CREB5: variants seen among roughly 807,000 people sequenced by gnomAD.
CREB5 encodes the protein cyclic AMP-responsive element-binding protein 5.
Under a neutral mutation model 57.1 loss-of-function variants are expected in CREB5, and 19 were observed. The observed-to-expected ratio is 0.33, with a 90% confidence interval of 0.23 to 0.49. CREB5 has a LOEUF of 0.49. Ranked by LOEUF, CREB5 falls within the 20% of genes least tolerant of loss-of-function variation. The pLI, the probability that CREB5 is intolerant of heterozygous loss-of-function variation, is 0.99. For missense variants in CREB5, 579 were observed against 671.6 expected (o/e 0.86, Z 1.52); for synonymous variants, 238 against 238.3 (o/e 1.00, Z 0.01).
chr7:28,530,251 G>A (rs966942977), intron 4 of CREB5, among the ~76,000 whole-genome samples: 6 of 151,978 alleles, frequency 3.9e-5, no homozygotes, highest in Non-Finnish European at 5.9e-5. Context: ...GGTTTTCCTC[G>A]CCCGTCAGAT....
intron 4 of CREB5, among the ~76,000 whole-genome samples, chr7:28,548,166 TC>T (rs1794488205): frequency 6.6e-6 from 1 of 152,204 alleles, no homozygotes; most frequent in Non-Finnish European, 1.5e-5. Flanking sequence ...GATGCTGTTC[TC>T]TTGGTCTTTT....
intron 1 of CREB5, among the ~76,000 whole-genome samples, chr7:28,312,118 C>T (rs911963773): frequency 3.3e-5 from 5 of 151,546 alleles, no homozygotes; most frequent in Non-Finnish European, 7.4e-5. Context: ...CTGTTATCAA[C>T]TTGATGTGCT....
intron 7 of CREB5, among the ~76,000 whole-genome samples, chr7:28,790,462 T>TAG (rs1242699378): frequency 2.7e-4 from 9 of 33,878 alleles, no homozygotes; most frequent in Admixed American, 1.6e-3. Context: ...GAGAGAGAGA[T>TAG]AGAGAGAGAG....
At chr7:28,767,863 C>A (rs1408152013) in intron 7 of CREB5, among the ~76,000 whole-genome samples, 1 of 152,186 alleles carries the variant, frequency 6.6e-6, no homozygotes, top group Non-Finnish European at 1.5e-5. Flanking sequence ...CATGATCCAT[C>A]TAGAATTTAA....
chr7:28,669,001 C>T (rs1193353875), intron 5 of CREB5, among the ~76,000 whole-genome samples: 1 of 152,182 alleles, frequency 6.6e-6, no homozygotes, highest in Non-Finnish European at 1.5e-5. Context: ...ACGAGAAAGG[C>T]ACCAATACTG....
intron 8 of CREB5, among the ~76,000 whole-genome samples, chr7:28,805,018 A>G (rs1464320103): frequency 6.6e-6 from 1 of 152,210 alleles, no homozygotes; most frequent in South Asian, 2.1e-4. Context: ...TTAAAAATCT[A>G]AAGAGTAACA....
At chr7:28,577,520 T>C (rs1445999812) in intron 5 of CREB5, among the ~76,000 whole-genome samples, 1 of 152,230 alleles carries the variant, frequency 6.6e-6, no homozygotes, top group Non-Finnish European at 1.5e-5. Flanking sequence ...TAGTTTGGCA[T>C]GCATGATTCT....
intron 1 of CREB5, among the ~76,000 whole-genome samples, chr7:28,463,450 C>T (rs1282044830): frequency 2.0e-5 from 3 of 152,124 alleles, no homozygotes; most frequent in Non-Finnish European, 4.4e-5. Flanking sequence ...ATCAGTTTGC[C>T]AATTTCTGCA....
At chr7:28,799,578 T>A (rs1238135825) in intron 7 of CREB5, among the ~76,000 whole-genome samples, 1 of 152,244 alleles carries the variant, frequency 6.6e-6, no homozygotes, top group East Asian at 1.9e-4. Flanking sequence ...CGTATTTATT[T>A]GTCAGGTTCC....
intron 7 of CREB5, among the ~76,000 whole-genome samples, chr7:28,778,775 G>A (rs1806805692): frequency 1.3e-5 from 2 of 152,106 alleles, no homozygotes; most frequent in African/African-American, 2.4e-5. Context: ...TAAATACAAT[G>A]AAAAAGAAAG....
At chr7:28,659,710 T>C (rs994218760) in intron 5 of CREB5, among the ~76,000 whole-genome samples, 10 of 152,210 alleles carry the variant, frequency 6.6e-5, no homozygotes, top group African/African-American at 2.2e-4. Flanking sequence ...TTTTGATACT[T>C]CTAATGAATG....
At chr7:28,680,768 CA>C (rs539406574) in intron 5 of CREB5, among the ~76,000 whole-genome samples, 13,490 of 134,092 alleles carry the variant, frequency 0.1, 708 homozygotes, top group South Asian at 0.17. Flanking sequence ...CAACCTATCT[CA>C]AAAAAAAAAA....
chr7:28,514,960 A>C (rs569091182), intron 4 of CREB5, among the ~76,000 whole-genome samples: 1 of 48,536 alleles, frequency 2.1e-5, no homozygotes, highest in Admixed American at 2.3e-4. Context: ...CTGGACGTTA[A>C]TTTTGGGAAA....
At chr7:28,420,956 G>C (rs42728) in intron 1 of CREB5, among the ~76,000 whole-genome samples, 141,317 of 152,308 alleles carry the variant, frequency 0.93, 65,653 homozygotes, top group East Asian at 0.99. Flanking sequence ...TTTCAAGTTA[G>C]ATGCATCCAC....
At chr7:28,674,330 G>A (rs1318901726) in intron 5 of CREB5, among the ~76,000 whole-genome samples, 1 of 152,172 alleles carries the variant, frequency 6.6e-6, no homozygotes, top group Admixed American at 6.5e-5. Flanking sequence ...AGGAGCTACT[G>A]AATAGTTGAT....
intron 5 of CREB5, among the ~76,000 whole-genome samples, chr7:28,711,107 G>T (rs550775135): frequency 2.6e-5 from 4 of 152,306 alleles, no homozygotes; most frequent in African/African-American, 9.6e-5. Flanking sequence ...TTGGAGCTTT[G>T]TCATGTTGTG....
intron 1 of CREB5, among the ~76,000 whole-genome samples, chr7:28,439,771 T>C (rs891217129): frequency 6.6e-6 from 1 of 152,220 alleles, no homozygotes; most frequent in Non-Finnish European, 1.5e-5. Flanking sequence ...CTTCAGTTCT[T>C]AGGATTCTCA....
intron 1 of CREB5, among the ~76,000 whole-genome samples, chr7:28,446,718 G>A (rs372142562): frequency 6.6e-6 from 1 of 152,182 alleles, no homozygotes; most frequent in Non-Finnish European, 1.5e-5. Context: ...CGTGAACCCG[G>A]GAGGTGGAGA....
chr7:28,300,313 T>A (rs1451197495), intron 1 of CREB5, among the ~76,000 whole-genome samples: 1 of 152,200 alleles, frequency 6.6e-6, no homozygotes, highest in East Asian at 1.9e-4. Flanking sequence ...CTAATATTTG[T>A]GTCAACATTC....
Sources: gnomAD v4.1 joint callset for allele counts (sites outside exome capture counted in the v4.1 genomes callset) on GRCh38, gnomAD v4.1.1 for gene constraint, MANE v1.5 for transcripts, NCBI Gene and HGNC (gene_info 2026-07-23, HGNC 2026-07-21) for gene names.